DPP10: variants seen among roughly 807,000 people sequenced by gnomAD.
DPP10 encodes the protein dipeptidyl peptidase like 10.
In DPP10, 33 loss-of-function variants were observed where a neutral mutation model predicts 120.9. The observed-to-expected ratio is 0.27, with a 90% CI of 0.21 to 0.37. DPP10 has a LOEUF of 0.37. DPP10 is among the 10% of genes least tolerant of loss of function. The pLI is 1.00. For missense variants in DPP10, 816 were observed against 942.8 expected (o/e 0.87, Z 1.76); for synonymous variants, 337 against 326.1 (o/e 1.03, Z -0.36).
intron 3 of DPP10, among the ~76,000 whole-genome samples, chr2:115,484,961 C>T (rs1037198518): frequency 7.9e-5 from 12 of 152,038 alleles, no homozygotes; most frequent in Non-Finnish European, 1.3e-4. Flanking sequence ...GTCCCAGCTA[C>T]TTGGGAGGCT....
At chr2:114,987,807 T>TTTTTTTTTTTTTTTTTA in intron 1 of DPP10, among the ~76,000 whole-genome samples, 1 of 128,046 alleles carries the variant, frequency 7.8e-6, no homozygotes, top group African/African-American at 3.0e-5. Flanking sequence ...AGACTGTCTT[T>TTTTTTTTTTTTTTTTTA]TTTTTTTTTA....
At chr2:114,950,597 C>A (rs1215731799) in intron 1 of DPP10, among the ~76,000 whole-genome samples, 2 of 151,362 alleles carry the variant, frequency 1.3e-5, no homozygotes, top group East Asian at 1.9e-4. Context: ...TCTTGAATAC[C>A]TTTTAGATTC....
Position 115,575,191 on chromosome 2 carries a change from A to G in DPP10, c.441+49219A>G, listed in dbSNP as rs146157588. On this transcript the variant is annotated intron_variant, in intron 5 of 25. Coordinates refer to ENST00000410059, the MANE Select transcript of DPP10 (RefSeq NM_020868.6). ...GAGCAGCTGTACCGAGTGCAGAGAAATAAGAGTCACCTCAGGCATCAAACT... is the reference window on the plus strand; with the variant it reads ...GAGCAGCTGTACCGAGTGCAGAGAAGTAAGAGTCACCTCAGGCATCAAACT... 7.7e-4 allele frequency among the ~76,000 whole-genome samples: 117 copies of G among 152,340 alleles called. 1 individual carries two copies. The highest frequency in any genetic ancestry group is 2.5e-3 in the African/African-American group (105 of 41,584).
intron 1 of DPP10, among the ~76,000 whole-genome samples, chr2:114,720,187 A>C (rs1701614192): frequency 6.6e-6 from 1 of 152,148 alleles, no homozygotes; most frequent in Non-Finnish European, 1.5e-5. Flanking sequence ...ATCAGAGAGA[A>C]CTTGCGAAAA....
chr2:114,866,112 A>AAAATAAATAAATAAAT lies in DPP10; in HGVS notation c.60+423298_60+423313dup, dbSNP rs10650348. ...AGTAACAGAGTGAGACTCTGTCTCA[A>AAAATAAATAAATAAAT]AAATAAATAAATAAATAAATAAATA... On this transcript the variant is annotated intron_variant, in intron 1 of 25. Coordinates refer to ENST00000410059, the MANE Select transcript of DPP10 (RefSeq NM_020868.6). Among the ~76,000 whole-genome samples the AAAATAAATAAATAAAT allele has an allele frequency of 5.7e-3, 806 of 141,654 alleles. 7 individuals carry two copies. Among genetic ancestry groups the AAAATAAATAAATAAAT allele is most frequent in the South Asian group, 7.4e-3 (31 of 4,216 alleles). 92.9% of individuals were successfully genotyped at this position (141,654 alleles called of 152,430 possible).
At chr2:114,544,033 T>TAA (rs879493611) in intron 1 of DPP10, among the ~76,000 whole-genome samples, 1 of 144,360 alleles carries the variant, frequency 6.9e-6, no homozygotes, top group African/African-American at 2.5e-5. Context: ...ATATAGCAGT[T>TAA]AAAAAAAAAA....
At chr2:114,518,069 A>ATTTT (rs751351962) in intron 1 of DPP10, among the ~76,000 whole-genome samples, 3 of 54,146 alleles carry the variant, frequency 5.5e-5, no homozygotes, top group Non-Finnish European at 1.0e-4. Flanking sequence ...TGAGCTATTC[A>ATTTT]TTTTTTTTTT....
At chr2:114,553,104 A>C (rs1199500477) in intron 1 of DPP10, among the ~76,000 whole-genome samples, 1 of 152,228 alleles carries the variant, frequency 6.6e-6, no homozygotes, top group African/African-American at 2.4e-5. Context: ...CTATAATCAC[A>C]TCAAGCCATT....
intron 1 of DPP10, among the ~76,000 whole-genome samples, chr2:115,035,136 C>T (rs1054254668): frequency 6.6e-6 from 1 of 152,232 alleles, no homozygotes; most frequent in East Asian, 1.9e-4. Flanking sequence ...ACATATTATA[C>T]TCTTTTTATA....
rs77756690 is a variant in DPP10 at position 115,316,939 on chromosome 2, C to T, written c.175+7586C>T. Among the ~76,000 whole-genome samples the T allele has an allele frequency of 5.9e-3, 904 of 152,138 alleles. 7 individuals carry two copies. The highest frequency in any genetic ancestry group is 0.02 in the African/African-American group (834 of 41,522). On this transcript the variant is annotated intron_variant, in intron 2 of 25. Transcript: ENST00000410059. ...CCTGGGCCACATAGTGAGACCCCAT[C>T]GCAACTAAAAGTTTTTTAAAACAAT...
At chr2:115,264,321 C>G (rs1180615609) in intron 1 of DPP10, among the ~76,000 whole-genome samples, 1 of 151,906 alleles carries the variant, frequency 6.6e-6, no homozygotes, top group Non-Finnish European at 1.5e-5. Context: ...TTAATGTGTC[C>G]CTGCTTTGGG....
At chr2:114,767,140 A>C (rs1680784177) in intron 1 of DPP10, among the ~76,000 whole-genome samples, 1 of 148,462 alleles carries the variant, frequency 6.7e-6, no homozygotes, top group Non-Finnish European at 1.5e-5. Context: ...TAAAATTAAA[A>C]AACAACAACA....
At chr2:115,285,482 A>G (rs753357316) in intron 1 of DPP10, among the ~76,000 whole-genome samples, 2 of 152,060 alleles carry the variant, frequency 1.3e-5, no homozygotes, top group Non-Finnish European at 2.9e-5. Flanking sequence ...ACACCTTGGA[A>G]TGTGTGCAAG....
chr2:114,993,919 C>G (rs1268715418), intron 1 of DPP10, among the ~76,000 whole-genome samples: 1 of 152,086 alleles, frequency 6.6e-6, no homozygotes, highest in Non-Finnish European at 1.5e-5. Flanking sequence ...TCACTATTTC[C>G]TCCTTGAATA....
At chr2:115,171,844 C>T (rs957952373) in intron 1 of DPP10, among the ~76,000 whole-genome samples, 3 of 152,156 alleles carry the variant, frequency 2.0e-5, no homozygotes, top group Admixed American at 1.3e-4. Flanking sequence ...AGACTTTTGG[C>T]ACCTGGCCAC....
At chr2:114,845,384 A>G (rs1299919744) in intron 1 of DPP10, among the ~76,000 whole-genome samples, 1 of 152,184 alleles carries the variant, frequency 6.6e-6, no homozygotes, top group African/African-American at 2.4e-5. Context: ...TTTGCTGTGA[A>G]TCTAAAATTG....
chr2:115,255,911 A>G (rs1337245011), intron 1 of DPP10, among the ~76,000 whole-genome samples: 1 of 152,128 alleles, frequency 6.6e-6, no homozygotes, highest in Non-Finnish European at 1.5e-5. Flanking sequence ...AAAGTTTCCC[A>G]CATTTTCCTG....
intron 1 of DPP10, among the ~76,000 whole-genome samples, chr2:114,745,490 T>C (rs1300427286): frequency 6.6e-6 from 1 of 152,232 alleles, no homozygotes; most frequent in Non-Finnish European, 1.5e-5. Context: ...AATTGGATTC[T>C]AGTCTGCAAG....
intron 1 of DPP10, among the ~76,000 whole-genome samples, chr2:115,257,023 T>G (rs1249942090): frequency 6.6e-6 from 1 of 152,248 alleles, no homozygotes. Flanking sequence ...GTATGACCTT[T>G]GCTCCAGTTC....
Sources: allele counts gnomAD v4.1 joint callset (sites outside exome capture counted in the v4.1 genomes callset), GRCh38; gene constraint gnomAD v4.1.1; transcripts MANE v1.5; gene names NCBI Gene and HGNC (gene_info 2026-07-23, HGNC 2026-07-21).